Variants in NTM observed in about 807,000 individuals in gnomAD.
NTM encodes the protein IgLON family member 2.
NTM carries 13 observed loss-of-function variants against 42.1 expected under a neutral mutation model. The ratio of observed to expected loss-of-function variants is 0.31; its 90% confidence interval spans 0.20 to 0.49. NTM has a LOEUF of 0.49. NTM is among the 20% of genes least tolerant of loss of function. The probability of loss-of-function intolerance (pLI) is 0.99; values close to 1 mark genes in which losing one functional copy is unlikely to be tolerated. For missense variants in NTM, 373 were observed against 452.8 expected, an observed-to-expected ratio of 0.82 and a Z score of 1.60; for synonymous variants, 187 against 179.2, an observed-to-expected ratio of 1.04 and a Z score of -0.35.
intron 2 of NTM, among the ~76,000 whole-genome samples, chr11:131,940,404 G>T (rs2059671394): frequency 6.6e-6 from 1 of 152,212 alleles, no homozygotes. Flanking sequence ...GGTATACATT[G>T]TGAGATAAAT....
chr11:131,715,277 C>T (rs1481330793), intron 1 of NTM, among the ~76,000 whole-genome samples: 1 of 152,160 alleles, frequency 6.6e-6, no homozygotes, highest in Admixed American at 6.5e-5. Context: ...CAAGATTGAA[C>T]CAGATAAATC....
At chr11:132,326,966 T>G (rs1349399135) in intron 7 of NTM, among the ~76,000 whole-genome samples, 1 of 152,256 alleles carries the variant, frequency 6.6e-6, no homozygotes, top group African/African-American at 2.4e-5. Context: ...AAAGCTATTT[T>G]GCTAACCAAT....
chr11:131,504,809 C>T (rs942944096), intron 1 of NTM, among the ~76,000 whole-genome samples: 2 of 152,130 alleles, frequency 1.3e-5, no homozygotes, highest in African/African-American at 4.8e-5. Context: ...CCGTCCACCC[C>T]CTCCACTCCT....
At chr11:132,296,577 C>T (rs1439254323) in intron 4 of NTM, among the ~76,000 whole-genome samples, 1 of 152,142 alleles carries the variant, frequency 6.6e-6, no homozygotes, top group Non-Finnish European at 1.5e-5. Context: ...GCTACCAGTT[C>T]CTAAGAGACG....
At chr11:132,162,573 T>G in intron 3 of NTM, among the ~76,000 whole-genome samples, 1 of 128,126 alleles carries the variant, frequency 7.8e-6, no homozygotes, top group African/African-American at 3.0e-5. Flanking sequence ...GTGGATGTGA[T>G]CGTGTGTGTG....
chr11:132,316,227 C>CTCA (rs2095426522), intron 7 of NTM, among the ~76,000 whole-genome samples: 3 of 151,758 alleles, frequency 2.0e-5, no homozygotes, highest in Admixed American at 2.0e-4. Flanking sequence ...CTTAAGCCAT[C>CTCA]TCAGGATGAG....
intron 7 of NTM, among the ~76,000 whole-genome samples, chr11:132,321,182 C>G (rs1474419562): frequency 6.6e-6 from 1 of 152,228 alleles, no homozygotes; most frequent in Non-Finnish European, 1.5e-5. Flanking sequence ...CAGAGAATGA[C>G]TTTGACGAGC....
chr11:131,510,037 TCTC>T (rs369599050), intron 1 of NTM, among the ~76,000 whole-genome samples: 276 of 152,148 alleles, frequency 1.8e-3, no homozygotes, highest in African/African-American at 6.2e-3. Flanking sequence ...TAGAGTTTCT[TCTC>T]CTTGTCTCAG....
chr11:131,808,984 G>A (rs2092630112), intron 1 of NTM, among the ~76,000 whole-genome samples: 1 of 152,208 alleles, frequency 6.6e-6, no homozygotes, highest in Non-Finnish European at 1.5e-5. Context: ...CAATGCTAAT[G>A]TGAATAGAAA....
intron 1 of NTM, among the ~76,000 whole-genome samples, chr11:131,473,756 C>T (rs1952662979): frequency 6.6e-6 from 1 of 152,250 alleles, no homozygotes; most frequent in African/African-American, 2.4e-5. Context: ...GAACCACTCT[C>T]CCAGCCAAAT....
chr11:131,734,819 T>A (rs1404752421), intron 1 of NTM, among the ~76,000 whole-genome samples: 1 of 152,192 alleles, frequency 6.6e-6, no homozygotes, highest in East Asian at 1.9e-4. Context: ...TTATACCTCC[T>A]TTTATTATTT....
chr11:131,510,947 TGGAAGG>T (rs1006199582), intron 1 of NTM, among the ~76,000 whole-genome samples: 3 of 152,200 alleles, frequency 2.0e-5, no homozygotes, highest in African/African-American at 7.2e-5. Flanking sequence ...GCCATCTGTG[TGGAAGG>T]ACAGGGCCAT....
At chr11:131,616,113 T>C (rs1337495166) in intron 1 of NTM, among the ~76,000 whole-genome samples, 1 of 152,196 alleles carries the variant, frequency 6.6e-6, no homozygotes, top group African/African-American at 2.4e-5. Flanking sequence ...TGCAATTGCA[T>C]GGACTCTTTC....
chr11:132,177,680 G>C (rs1391755333), intron 3 of NTM, among the ~76,000 whole-genome samples: 3 of 152,148 alleles, frequency 2.0e-5, no homozygotes, highest in Non-Finnish European at 4.4e-5. Flanking sequence ...TTCCACACCT[G>C]ATCACTGAAC....
chr11:131,396,607 G>T (rs900318915), intron 1 of NTM, among the ~76,000 whole-genome samples: 3 of 152,138 alleles, frequency 2.0e-5, no homozygotes, highest in Non-Finnish European at 2.9e-5. Context: ...GGCAGGGCAG[G>T]TGGATTACTT....
intron 2 of NTM, among the ~76,000 whole-genome samples, chr11:132,078,303 G>T (rs574974990): frequency 6.6e-6 from 1 of 152,318 alleles, no homozygotes; most frequent in African/African-American, 2.4e-5. Context: ...CGGATGTGCG[G>T]CTTCGAACCT....
At chr11:132,270,056 C>T (rs1012267935) in intron 4 of NTM, among the ~76,000 whole-genome samples, 1 of 152,184 alleles carries the variant, frequency 6.6e-6, no homozygotes, top group Non-Finnish European at 1.5e-5. Context: ...CAGCGTCCTA[C>T]TCCAGGCAAC....
chr11:131,761,942 G>A (rs1362413252), intron 1 of NTM, among the ~76,000 whole-genome samples: 1 of 151,390 alleles, frequency 6.6e-6, no homozygotes. Flanking sequence ...AGGATACAAT[G>A]GGAAGGCAGC....
chr11:132,238,971 T>C, intron 4 of NTM, among the ~76,000 whole-genome samples: 1 of 152,202 alleles, frequency 6.6e-6, no homozygotes, highest in East Asian at 1.9e-4. Flanking sequence ...AACAGCAGCA[T>C]AGCTACCATT....
Sources: gnomAD v4.1 joint callset for allele counts (sites outside exome capture counted in the v4.1 genomes callset) on GRCh38, gnomAD v4.1.1 for gene constraint, MANE v1.5 for transcripts, NCBI Gene and HGNC (gene_info 2026-07-23, HGNC 2026-07-21) for gene names.